The following ABCA13 variants were observed in gnomAD, a reference collection of about 807,000 sequenced individuals.
The protein encoded by ABCA13 is ATP-binding cassette sub-family A member 13.
In ABCA13, 476 loss-of-function variants were observed where a neutral mutation model predicts 478.7. That is an observed-to-expected ratio of 0.99 (90% CI 0.92 to 1.07). The LOEUF (loss-of-function observed/expected upper bound fraction) is 1.07. ABCA13 is among the 50% of genes least tolerant of loss of function. The pLI is 0.00. For missense variants in ABCA13, 6,060 were observed against 5,910.6 expected, an observed-to-expected ratio of 1.03 and a Z score of -0.83; for synonymous variants, 2,252 against 2,158.9, an observed-to-expected ratio of 1.04 and a Z score of -1.20.
At chr7:48,358,229 G>C (rs1282406365) in intron 31 of ABCA13, among the ~76,000 whole-genome samples, 1 of 50,410 alleles carries the variant, frequency 2.0e-5, no homozygotes, top group Non-Finnish European at 4.6e-5. Flanking sequence ...AGGAAGGGGA[G>C]GGGAGGGGAG....
At chr7:48,495,675 TG>T (rs1830214123) in intron 48 of ABCA13, among the ~76,000 whole-genome samples, 1 of 152,158 alleles carries the variant, frequency 6.6e-6, no homozygotes, top group East Asian at 1.9e-4. Flanking sequence ...CTCCAAATTG[TG>T]GCTTTGTTTC....
intron 48 of ABCA13, 24 bp from the exon 49 acceptor site, chr7:48,506,312 C>T (rs1585632784): frequency 6.2e-7 from 1 of 1,613,080 alleles, no homozygotes; most frequent in Non-Finnish European, 8.5e-7. Flanking sequence ...GCTGAAGGCT[C>T]ACTTTTCAAT....
intron 34 of ABCA13, among the ~76,000 whole-genome samples, chr7:48,375,091 C>A (rs533815376): frequency 3.3e-5 from 5 of 152,070 alleles, no homozygotes; most frequent in Non-Finnish European, 5.9e-5. Context: ...CAGGGCTCCC[C>A]GTGATTCTAC....
chr7:48,438,878 G>A (rs1325775338), intron 42 of ABCA13, among the ~76,000 whole-genome samples: 1 of 105,814 alleles, frequency 9.5e-6, no homozygotes, highest in Non-Finnish European at 2.0e-5. Context: ...AGACAATTTT[G>A]CTAAGGTTTT....
chr7:48,185,569 G>T (rs182216686), intron 1 of ABCA13, among the ~76,000 whole-genome samples: 121 of 152,192 alleles, frequency 8.0e-4, no homozygotes, highest in African/African-American at 2.9e-3. Flanking sequence ...ATGCAGTAAT[G>T]ATATTAATCT....
chr7:48,278,677 C>T lies in ABCA13; in HGVS notation c.7483C>T (p.Leu2495Phe), dbSNP rs1423990837. The T allele has an allele frequency of 2.5e-6, 4 of 1,613,574 alleles. No individual in the cohort carries two copies. Among genetic ancestry groups the T allele is most frequent in the Non-Finnish European group, 3.4e-6 (4 of 1,179,628 alleles). The stretch of plus-strand genomic sequence containing the variant: ...TGAAGAAAGTCACGTCCTGAAACCC[C>T]TCTTAGAAATGTCTGGGACTCTGGT... ...ASEESHVLKP[L>F]LEMSGTLVML... Residue 2495 changes from leucine (L) to phenylalanine (F), a missense_variant, in exon 18 of 62, where the codon CTC becomes TTC. By Grantham distance (22) the Leu-to-Phe change is conservative. Transcript: ENST00000435803.
At chr7:48,446,614 T>A (rs1824345066) in intron 42 of ABCA13, among the ~76,000 whole-genome samples, 1 of 152,210 alleles carries the variant, frequency 6.6e-6, no homozygotes, top group African/African-American at 2.4e-5. Context: ...CCTTTGCTTT[T>A]TAAGACAATT....
At chr7:48,204,717 A>G (rs1167181682) in intron 3 of ABCA13, among the ~76,000 whole-genome samples, 2 of 151,928 alleles carry the variant, frequency 1.3e-5, no homozygotes, top group African/African-American at 4.8e-5. Flanking sequence ...CAGCCCTTAC[A>G]CAGCCCAAGG....
At chr7:48,463,535 C>G (rs986541591) in intron 43 of ABCA13, among the ~76,000 whole-genome samples, 10 of 152,152 alleles carry the variant, frequency 6.6e-5, no homozygotes, top group Admixed American at 2.0e-4. Context: ...CCTTTCTGGT[C>G]CTTTTCCCTG....
chr7:48,627,733 C>T (rs1793792425), intron 59 of ABCA13, among the ~76,000 whole-genome samples: 1 of 152,080 alleles, frequency 6.6e-6, no homozygotes, highest in Admixed American at 6.5e-5. Context: ...ATTCTGGAGG[C>T]TAGGAAGTCC....
At chr7:48,406,491 C>G (rs557786746) in intron 39 of ABCA13, among the ~76,000 whole-genome samples, 2 of 152,014 alleles carry the variant, frequency 1.3e-5, no homozygotes, top group East Asian at 1.9e-4. Flanking sequence ...AGACAAGGGG[C>G]GAATGTGGGA....
rs1249746912 is a variant in ABCA13, at chr7:48,528,345, G to T, written c.14354G>T (p.Gly4785Val). The T allele has an allele frequency of 6.5e-7, 1 of 1,540,962 alleles. No individual in the cohort carries two copies. Among genetic ancestry groups the T allele is most frequent in the Admixed American group, 2.0e-5 (1 of 49,760 alleles). ...SGHAIIRTPM[G>V]DAVDLSSAGT... ...CATGCTATCATCAGGACTCCCATGG[G>T]GTAAGATACAGATTTCATCATTTTT... is the stretch of plus-strand genomic sequence containing the variant. The change falls in exon 55 of 62, where the codon GGA (glycine) becomes GTA (valine). Residue 4785 changes from glycine (G) to valine (V), a missense_variant and splice_region_variant. Physicochemically the swap from Gly to Val is moderately radical, Grantham distance 109 (BLOSUM62 -3). Coordinates refer to ENST00000435803, the MANE Select transcript of ABCA13 (RefSeq NM_152701.5).
In ABCA13 at chr7:48,574,290, C is replaced by G. The variant is rs181964979; in HGVS notation, c.14355-5934C>G. On this transcript the variant is annotated intron_variant, in intron 55 of 61. Transcript: ENST00000435803. The stretch of plus-strand genomic sequence containing the variant: ...TATCTCAGAAAATGGGATGATCTTA[C>G]TAAATACGTTTTTTAAAGGGCTTGT... 1.6e-3 allele frequency among the ~76,000 whole-genome samples: 248 copies of G among 152,160 alleles called. 1 individual carries two copies. The highest frequency in any genetic ancestry group is 5.6e-3 in the African/African-American group (232 of 41,520).
chr7:48,615,053 AT>A (rs1049327695), intron 58 of ABCA13, among the ~76,000 whole-genome samples: 1 of 150,964 alleles, frequency 6.6e-6, no homozygotes, highest in African/African-American at 2.4e-5. Context: ...AAATAAAAAA[AT>A]AAATAAATAA....
intron 15 of ABCA13, among the ~76,000 whole-genome samples, chr7:48,258,464 A>C (rs1357123743): frequency 2.0e-5 from 3 of 151,738 alleles, no homozygotes; most frequent in African/African-American, 7.3e-5. Context: ...GTTTATTGAG[A>C]CCTTGTCCCT....
chr7:48,455,683 C>T (rs566007172), intron 43 of ABCA13, among the ~76,000 whole-genome samples: 18 of 152,256 alleles, frequency 1.2e-4, no homozygotes, highest in Non-Finnish European at 2.1e-4. Flanking sequence ...TTTCACAAAG[C>T]CCTCCACAGT....
At chr7:48,500,069 C>G (rs969401228) in intron 48 of ABCA13, among the ~76,000 whole-genome samples, 5 of 152,124 alleles carry the variant, frequency 3.3e-5, no homozygotes, top group Admixed American at 3.3e-4. Context: ...TATGCTTGAC[C>G]TCAGATAAGT....
At chr7:48,422,273 T>G (rs1820876204) in intron 41 of ABCA13, among the ~76,000 whole-genome samples, 1 of 151,942 alleles carries the variant, frequency 6.6e-6, no homozygotes, top group Admixed American at 6.6e-5. Flanking sequence ...GCTAAGGTCT[T>G]CTTAACTTAG....
chr7:48,281,461 C>A lies in ABCA13; in HGVS notation c.8836+9C>A. 2 of 1,581,360 alleles carry A rather than the reference C, an allele frequency of 1.3e-6. No individual in the cohort carries two copies. The highest frequency in any genetic ancestry group is 1.7e-6 in the Non-Finnish European group (2 of 1,162,850). On this transcript the variant is annotated intron_variant, in intron 19 of 61. Transcript: ENST00000435803. ...GCTCACCATCGTTGCAGGTGGGCTG[C>A]TCATATAACAAGTGCTCTGCAATTG...
Sources: allele counts gnomAD v4.1 joint callset (sites outside exome capture counted in the v4.1 genomes callset), GRCh38; gene constraint gnomAD v4.1.1; transcripts MANE v1.5; gene names NCBI Gene and HGNC (gene_info 2026-07-23, HGNC 2026-07-21).